The following JARID2 variants were observed in gnomAD, a reference collection of about 807,000 sequenced individuals.
JARID2 encodes jumonji and AT-rich interaction domain containing 2.
In JARID2, 21 loss-of-function variants were observed where a neutral mutation model predicts 125.6. That is an observed-to-expected ratio of 0.17 (90% CI 0.12 to 0.24). The LOEUF (loss-of-function observed/expected upper bound fraction) is 0.24, where lower values mean the gene tolerates loss of function less well. Among genes scored for constraint, JARID2 ranks in the 10% least tolerant of loss-of-function variants. The pLI, the probability that JARID2 is intolerant of heterozygous loss-of-function variation, is 1.00. For missense variants in JARID2, 1,303 were observed against 1,639.6 expected (o/e 0.79, Z 3.55); for synonymous variants, 736 against 661.6 (o/e 1.11, Z -1.73).
At chr6:15,401,053 T>C in intron 2 of JARID2, 1 of 1,289,274 alleles carries the variant, frequency 7.8e-7, no homozygotes, top group Non-Finnish European at 1.0e-6. Flanking sequence ...ACCAAATAGC[T>C]CTAGATTTGT....
chr6:15,468,726 C>T lies in JARID2; in HGVS notation c.670+8C>T, dbSNP rs866381526. 6.2e-7 allele frequency: 1 copy of T among 1,600,908 alleles called. No homozygotes were observed. Among genetic ancestry groups the T allele is most frequent in the Non-Finnish European group, 8.5e-7 (1 of 1,173,300 alleles). Reference sequence around the variant, plus strand: ...ATGTTCACAACGGGCATGGTAGGTCCACCGTTGAACTTGGATAAGAAAAAA... The same window carrying T: ...ATGTTCACAACGGGCATGGTAGGTCTACCGTTGAACTTGGATAAGAAAAAA... On this transcript the variant is annotated splice_region_variant and intron_variant, in intron 5 of 17. Transcript: ENST00000341776.
At chr6:15,510,255 T>C (rs2127761917) in intron 12 of JARID2, among the ~76,000 whole-genome samples, 1 of 152,216 alleles carries the variant, frequency 6.6e-6, no homozygotes, top group Admixed American at 6.5e-5. Context: ...TGTCCTCCTC[T>C]TGCCTGGGGA....
chr6:15,356,151 T>C (rs1475022498), intron 1 of JARID2, among the ~76,000 whole-genome samples: 2 of 152,338 alleles, frequency 1.3e-5, no homozygotes, highest in African/African-American at 4.8e-5. Context: ...GAAATCTTTT[T>C]TACGGCTGAA....
intron 3 of JARID2, among the ~76,000 whole-genome samples, chr6:15,425,414 ATT>A (rs3841760): frequency 0.4 from 61,384 of 151,884 alleles, 12,660 homozygotes; most frequent in Admixed American, 0.48. Context: ...GAAGTAAATA[ATT>A]TTTGTTGCGG....
chr6:15,416,702 GGGGAGAGGGAGAGGGAGAGGGGGGAGA>G (rs1367473504), intron 3 of JARID2, among the ~76,000 whole-genome samples: 1 of 147,470 alleles, frequency 6.8e-6, no homozygotes, highest in African/African-American at 2.6e-5. Flanking sequence ...GGGAGACCGT[GGGGAGAGGGAGAGGGAGAGGGGGGAGA>G]GGGAGAGGGA....
At chr6:15,446,908 GCTGCTC>G (rs1032912738) in intron 3 of JARID2, among the ~76,000 whole-genome samples, 1 of 152,154 alleles carries the variant, frequency 6.6e-6, no homozygotes, top group Non-Finnish European at 1.5e-5. Context: ...AGGTTCGTCT[GCTGCTC>G]CTATTTGTTT....
intron 3 of JARID2, among the ~76,000 whole-genome samples, chr6:15,416,638 G>C (rs1210192001): frequency 4.6e-5 from 7 of 151,190 alleles, no homozygotes; most frequent in African/African-American, 1.7e-4. Flanking sequence ...GATGGCAGCA[G>C]TACAGTCCAG....
intron 3 of JARID2, among the ~76,000 whole-genome samples, chr6:15,416,699 C>G (rs1037267223): frequency 6.7e-5 from 5 of 74,196 alleles, no homozygotes; most frequent in South Asian, 9.3e-4. Context: ...AGAGGGAGAC[C>G]GTGGGGAGAG....
chr6:15,419,001 G>T (rs1400731694), intron 3 of JARID2, among the ~76,000 whole-genome samples: 1 of 152,162 alleles, frequency 6.6e-6, no homozygotes, highest in Non-Finnish European at 1.5e-5. Context: ...TAGCATGCAT[G>T]AATTGGGATT....
chr6:15,508,989 CATCT>C (rs1211083793), intron 12 of JARID2: 24 of 1,289,262 alleles, frequency 1.9e-5, no homozygotes, highest in Non-Finnish European at 2.3e-5. Flanking sequence ...AGTGTTTCCT[CATCT>C]ATCGGTGGCT....
chr6:15,437,223 A>G (rs902482240), intron 3 of JARID2, among the ~76,000 whole-genome samples: 2 of 152,160 alleles, frequency 1.3e-5, no homozygotes, highest in Admixed American at 6.5e-5. Flanking sequence ...CACTGACTCC[A>G]TGGTGTAGTC....
intron 6 of JARID2, among the ~76,000 whole-genome samples, chr6:15,491,382 T>TTG (rs1561900138): frequency 6.6e-6 from 1 of 152,250 alleles, no homozygotes; most frequent in Non-Finnish European, 1.5e-5. Context: ...CGGTCAGTGT[T>TTG]TGAGCAGGCT....
intron 3 of JARID2, among the ~76,000 whole-genome samples, chr6:15,434,139 GTT>G (rs11296644): frequency 4.0e-5 from 6 of 149,484 alleles, no homozygotes; most frequent in African/African-American, 1.2e-4. Context: ...GTTCCTAACA[GTT>G]TTTTTTTTTA....
intron 5 of JARID2, among the ~76,000 whole-genome samples, chr6:15,481,850 T>TGCTG: frequency 6.6e-6 from 1 of 152,336 alleles, no homozygotes; most frequent in East Asian, 1.9e-4. Flanking sequence ...AAATATTCTT[T>TGCTG]AGTAGAGTAC....
intron 1 of JARID2, among the ~76,000 whole-genome samples, chr6:15,265,698 C>T (rs950741558): frequency 2.2e-4 from 33 of 152,158 alleles, no homozygotes; most frequent in Non-Finnish European, 1.9e-4. Context: ...TGAATGCTGT[C>T]TTAACAGTGT....
At chr6:15,443,894 C>G (rs1383975772) in intron 3 of JARID2, among the ~76,000 whole-genome samples, 1 of 152,112 alleles carries the variant, frequency 6.6e-6, no homozygotes, top group Non-Finnish European at 1.5e-5. Flanking sequence ...GTACCACTGA[C>G]CAAGCAAAAC....
At chr6:15,267,976 C>G (rs755081030) in intron 1 of JARID2, among the ~76,000 whole-genome samples, 1 of 152,040 alleles carries the variant, frequency 6.6e-6, no homozygotes, top group Non-Finnish European at 1.5e-5. Context: ...CGGCGGGGAT[C>G]GGTTAATAGT....
chr6:15,378,395 C>T (rs980734049), intron 2 of JARID2, among the ~76,000 whole-genome samples: 2 of 148,706 alleles, frequency 1.3e-5, no homozygotes, highest in Non-Finnish European at 3.0e-5. Flanking sequence ...GCCTTAACCC[C>T]AGAGAAGGGT....
chr6:15,317,238 T>C (rs971568852), intron 1 of JARID2, among the ~76,000 whole-genome samples: 5 of 152,188 alleles, frequency 3.3e-5, no homozygotes, highest in African/African-American at 1.2e-4. Flanking sequence ...GAGGACCAGT[T>C]GAAAAATAAT....
Sources: gnomAD v4.1 joint callset for allele counts (sites outside exome capture counted in the v4.1 genomes callset) on GRCh38, gnomAD v4.1.1 for gene constraint, MANE v1.5 for transcripts, NCBI Gene and HGNC (gene_info 2026-07-23, HGNC 2026-07-21) for gene names.